The following EFCC1 variants were observed in gnomAD, a reference collection of about 807,000 sequenced individuals.
EFCC1 encodes the protein EF-hand and coiled-coil domain containing 1.
In EFCC1, 50 loss-of-function variants were observed where a neutral mutation model predicts 52.1. That is an observed-to-expected ratio of 0.96 (90% CI 0.76 to 1.21). The LOEUF (loss-of-function observed/expected upper bound fraction) is 1.21, where lower values mean the gene tolerates loss of function less well. EFCC1 is among the 50% of genes most tolerant of loss of function. The pLI is 0.00. For synonymous variants in EFCC1, 399 were observed against 396.5 expected, an observed-to-expected ratio of 1.01 and a Z score of -0.08; for missense variants, 837 against 867.3, an observed-to-expected ratio of 0.97 and a Z score of 0.44.
In EFCC1 at chr3:129,014,813, C is replaced by T. The variant is rs1044204689; in HGVS notation, c.980+10736C>T. Reference sequence around the variant, plus strand: ...CTTGTCTGCACTGCCTGCACGGGGACGAGCAGGTTGGAGCCAGCCTGGATG... The same window carrying T: ...CTTGTCTGCACTGCCTGCACGGGGATGAGCAGGTTGGAGCCAGCCTGGATG... On this transcript the variant is annotated intron_variant, in intron 2 of 7. Coordinates refer to ENST00000683648, the MANE Select transcript of EFCC1 (RefSeq NM_001377500.1). This position sits in a 1 kb window ranked among gnomAD's most constrained non-coding sequence, Gnocchi z 4.3. Among the ~76,000 whole-genome samples, 7 of 152,118 alleles carry T rather than the reference C, an allele frequency of 4.6e-5. No homozygotes were observed. The highest frequency in any genetic ancestry group is 3.8e-4 in the East Asian group (2 of 5,198).
At chr3:129,003,706 A>G in intron 1 of EFCC1, 88 bp from the exon 2 acceptor site, 1 of 1,197,988 alleles carries the variant, frequency 8.3e-7, no homozygotes, top group Admixed American at 4.5e-5. Flanking sequence ...CTGGGTGCAG[A>G]GGCATGGGGC....
At chr3:129,016,576 A>C (rs2107898653) in intron 2 of EFCC1, among the ~76,000 whole-genome samples, 1 of 151,782 alleles carries the variant, frequency 6.6e-6, no homozygotes, top group Non-Finnish European at 1.5e-5. Flanking sequence ...CCTTCTGTGG[A>C]TTCCAGACTC....
chr3:129,034,628 A>G (rs1164598529), intron 5 of EFCC1, among the ~76,000 whole-genome samples: 1 of 152,164 alleles, frequency 6.6e-6, no homozygotes, highest in Non-Finnish European at 1.5e-5. Flanking sequence ...GTCTCCATCT[A>G]TCTGCTGTGT....
At chr3:129,004,436 C>CA (rs567397032) in intron 2 of EFCC1, among the ~76,000 whole-genome samples, 28 of 139,500 alleles carry the variant, frequency 2.0e-4, no homozygotes, top group Non-Finnish European at 3.4e-4. Flanking sequence ...TCCACCTATC[C>CA]ACTCACCTAC....
Position 129,012,431 on chromosome 3 carries a change from C to G in EFCC1, c.980+8354C>G, listed in dbSNP as rs185661944. Among the ~76,000 whole-genome samples the G allele has an allele frequency of 1.1e-3, 165 of 152,252 alleles. 1 individual carries two copies. The highest frequency in any genetic ancestry group is 2.1e-3 in the East Asian group (11 of 5,170). ...TCCATCCACCTGTATCTCTGCTTGT[C>G]CCTGCCTGGTTCTACTCGCTCCTGC... is the stretch of plus-strand genomic sequence containing the variant. On this transcript the variant is annotated intron_variant, in intron 2 of 7. Transcript: ENST00000683648.
intron 2 of EFCC1, among the ~76,000 whole-genome samples, chr3:129,007,002 A>G (rs1945104438): frequency 6.6e-6 from 1 of 152,170 alleles, no homozygotes; most frequent in Non-Finnish European, 1.5e-5. Context: ...TCTAAAAGAA[A>G]AGTGTTACTG....
intron 4 of EFCC1, among the ~76,000 whole-genome samples, chr3:129,033,341 T>G (rs1458935963): frequency 6.6e-6 from 1 of 152,110 alleles, no homozygotes; most frequent in Admixed American, 6.5e-5. Flanking sequence ...GCTGGCTCCC[T>G]GTTTCATCCT....
At chr3:129,037,508 A>T (rs1946372008) in intron 6 of EFCC1, among the ~76,000 whole-genome samples, 1 of 152,244 alleles carries the variant, frequency 6.6e-6, no homozygotes, top group South Asian at 2.1e-4. Context: ...AGTTGGACTT[A>T]TCCTACAAAT....
chr3:129,017,148 C>T (rs984855972), intron 2 of EFCC1, among the ~76,000 whole-genome samples: 1 of 152,216 alleles, frequency 6.6e-6, no homozygotes. Flanking sequence ...TCTCTTTGGC[C>T]AGAATTGCAT....
intron 2 of EFCC1, among the ~76,000 whole-genome samples, chr3:129,021,424 A>G (rs1354927926): frequency 6.6e-6 from 1 of 152,192 alleles, no homozygotes; most frequent in East Asian, 1.9e-4. Flanking sequence ...CATGGTGCTT[A>G]AGCTGCTGGC....
intron 2 of EFCC1, among the ~76,000 whole-genome samples, chr3:129,016,156 G>T (rs144771190): frequency 6.6e-6 from 1 of 152,192 alleles, no homozygotes; most frequent in Non-Finnish European, 1.5e-5. Context: ...TGCCTTGACC[G>T]CTCCCTTGGT....
At chr3:129,003,658 C>A in intron 1 of EFCC1, 136 bp from the exon 2 acceptor site, 1 of 914,606 alleles carries the variant, frequency 1.1e-6, no homozygotes, top group Non-Finnish European at 1.4e-6. Context: ...GGCCTGGCAC[C>A]CGGAAGCAGA....
intron 5 of EFCC1, 106 bp downstream of exon 5, chr3:129,034,435 T>G: frequency 3.1e-6 from 4 of 1,294,664 alleles, no homozygotes; most frequent in Non-Finnish European, 4.2e-6. Flanking sequence ...CCCAGATGAG[T>G]AAACCAAGGC....
At chr3:129,032,615 C>T (rs969040293) in intron 3 of EFCC1, among the ~76,000 whole-genome samples, 3 of 152,204 alleles carry the variant, frequency 2.0e-5, no homozygotes, top group East Asian at 1.9e-4. Context: ...GCCAGCTTCA[C>T]TCCTGGGCTG....
At chr3:129,034,902 T>A (rs980431190) in intron 5 of EFCC1, among the ~76,000 whole-genome samples, 1 of 152,138 alleles carries the variant, frequency 6.6e-6, no homozygotes, top group Non-Finnish European at 1.5e-5. Flanking sequence ...CAAAGTCAGA[T>A]GAAGTGGAGC....
Position 129,039,794 on chromosome 3 carries a change from G to T in EFCC1, c.1746G>T (p.Ser582=). Residue 582 remains serine, a synonymous_variant, in exon 8 of 8, where the codon TCG becomes TCT. Coordinates refer to ENST00000683648, the MANE Select transcript of EFCC1 (RefSeq NM_001377500.1). ...AACQLLRRQP[S]APASAAAALT... ...GCCAGCTGTTGCGGAGACAGCCCTCGGCACCAGCCTCTGCAGCAGCTGCGC... is the reference window on the plus strand; with the variant it reads ...GCCAGCTGTTGCGGAGACAGCCCTCTGCACCAGCCTCTGCAGCAGCTGCGC... 1 of 1,612,042 alleles carries T rather than the reference G, an allele frequency of 6.2e-7. No homozygotes were observed.
chr3:129,030,743 C>A lies in EFCC1; in HGVS notation c.1021C>A (p.Pro341Thr). 4 of 1,551,634 alleles carry A rather than the reference C, an allele frequency of 2.6e-6. No individual in the cohort carries two copies. Among genetic ancestry groups the A allele is most frequent in the Non-Finnish European group, 3.5e-6 (4 of 1,146,954 alleles). Residue 341 changes from proline (P) to threonine (T), a missense_variant, in exon 3 of 8, where the codon CCA becomes ACA. Transcript: ENST00000683648. ...SQLPTPQLANPEPGDKSNEPE... is the reference protein window; with the variant it reads ...SQLPTPQLANTEPGDKSNEPE... ...GCTCCCAACCCCGCAGCTAGCCAACCCAGAGCCAGGAGACAAGAGTAATGA... is the reference window on the plus strand; with the variant it reads ...GCTCCCAACCCCGCAGCTAGCCAACACAGAGCCAGGAGACAAGAGTAATGA...
intron 2 of EFCC1, among the ~76,000 whole-genome samples, chr3:129,015,873 A>G (rs559606698): frequency 6.6e-6 from 1 of 151,742 alleles, no homozygotes; most frequent in South Asian, 2.1e-4. Flanking sequence ...AGGAAACGCC[A>G]TGCAGCAAAG....
chr3:129,032,723 GCCCTCC>G, intron 3 of EFCC1, 90 bp from the exon 4 acceptor site: 1 of 1,461,678 alleles, frequency 6.8e-7, no homozygotes. Context: ...TGGCACAAGA[GCCCTCC>G]CCTGGGGCTG....
Sources: gnomAD v4.1 joint callset for allele counts (sites outside exome capture counted in the v4.1 genomes callset) on GRCh38, gnomAD v4.1.1 for gene constraint, Gnocchi (gnomAD v3.1) non-coding constraint, MANE v1.5 for transcripts, NCBI Gene and HGNC (gene_info 2026-07-23, HGNC 2026-07-21) for gene names.